The following BMP5 variants were observed in gnomAD, a reference collection of about 807,000 sequenced individuals.
BMP5 encodes bone morphogenetic protein 5.
Under a neutral mutation model 46.6 loss-of-function variants are expected in BMP5, and 23 were observed. The ratio of observed to expected loss-of-function variants is 0.49; its 90% CI spans 0.35 to 0.70. The LOEUF is 0.70. Ranked by LOEUF, BMP5 falls within the 30% of genes least tolerant of loss-of-function variation. BMP5 has a pLI of 0.00. For synonymous variants in BMP5, 204 were observed against 191.9 expected (o/e 1.06, Z -0.52); for missense variants, 545 against 565.6 (o/e 0.96, Z 0.37).
rs1774571848 is a variant in BMP5 at position 55,755,650 on chromosome 6, C to CTT, written c.1246_1247dup (p.Pro417SerfsTer9). The CTT allele has an allele frequency of 4.3e-6, 7 of 1,612,238 alleles. No individual in the cohort carries two copies. Among genetic ancestry groups the CTT allele is most frequent in the African/African-American group, 1.3e-5 (1 of 74,794 alleles). ...TTAATTTGGTTGGAGCACAACAAGGCTTTGGTACGTGGTCAGGAAACATCA... is the reference window on the plus strand; with the variant it reads ...TTAATTTGGTTGGAGCACAACAAGGCTTTTTGGTACGTGGTCAGGAAACATCA... On this transcript the variant is annotated frameshift_variant, in exon 7 of 7. Transcript: ENST00000370830. LOFTEE classifies it high-confidence loss of function.
chr6:55,770,004 C>T (rs912137859), intron 4 of BMP5, among the ~76,000 whole-genome samples: 1 of 151,802 alleles, frequency 6.6e-6, no homozygotes, highest in African/African-American at 2.4e-5. Flanking sequence ...TTGCAGAGCC[C>T]AGGAAGAGTA....
intron 3 of BMP5, among the ~76,000 whole-genome samples, chr6:55,792,416 C>G (rs1775593701): frequency 6.6e-6 from 1 of 152,034 alleles, no homozygotes; most frequent in African/African-American, 2.4e-5. Context: ...CGCCTGTAGT[C>G]CCGGCTACTC....
intron 2 of BMP5, among the ~76,000 whole-genome samples, chr6:55,812,355 C>T (rs1284073638): frequency 2.6e-5 from 4 of 152,062 alleles, no homozygotes; most frequent in Non-Finnish European, 5.9e-5. Context: ...CTATAAGTCT[C>T]ACTAAGATAA....
At chr6:55,850,542 T>C (rs1239304114) in intron 1 of BMP5, among the ~76,000 whole-genome samples, 1 of 152,144 alleles carries the variant, frequency 6.6e-6, no homozygotes, top group Non-Finnish European at 1.5e-5. Context: ...TATTACTTTA[T>C]CCCACAAAGT....
chr6:55,791,406 T>A, intron 3 of BMP5, among the ~76,000 whole-genome samples: 1 of 152,126 alleles, frequency 6.6e-6, no homozygotes, highest in East Asian at 1.9e-4. Flanking sequence ...ATTCTTCAAA[T>A]TAGACAATAT....
At chr6:55,832,224 T>G (rs1776682586) in intron 1 of BMP5, among the ~76,000 whole-genome samples, 1 of 152,176 alleles carries the variant, frequency 6.6e-6, no homozygotes, top group African/African-American at 2.4e-5. Context: ...GAACACTCAC[T>G]TCTCCCCAGT....
chr6:55,760,890 T>C (rs1774758593), intron 4 of BMP5, among the ~76,000 whole-genome samples: 1 of 144,336 alleles, frequency 6.9e-6, no homozygotes, highest in Non-Finnish European at 1.5e-5. Flanking sequence ...GTACTTAATA[T>C]ATTGAGAGAG....
intron 1 of BMP5, among the ~76,000 whole-genome samples, chr6:55,851,197 T>C (rs1777236695): frequency 6.6e-6 from 1 of 151,998 alleles, no homozygotes; most frequent in African/African-American, 2.4e-5. Flanking sequence ...TCATTTTTTT[T>C]CTCTTAATTT....
At chr6:55,851,131 GTTTTGCTT>G (rs1424018422) in intron 1 of BMP5, among the ~76,000 whole-genome samples, 7 of 103,110 alleles carry the variant, frequency 6.8e-5, no homozygotes, top group Non-Finnish European at 1.1e-4. Flanking sequence ...GTTTTGTTTT[GTTTTGCTT>G]TTTTTTTTTT....
At position 55,780,890 on chromosome 6, in the gene BMP5, A is replaced by G. The variant is rs1414973898; in HGVS notation, c.833-6647T>C. ...CCAGAATGCTGAAATGTTTTATTGCATGGAGGGCAGGACTGAGGTGATGGA... is the reference window on the plus strand; with the variant it reads ...CCAGAATGCTGAAATGTTTTATTGCGTGGAGGGCAGGACTGAGGTGATGGA... On this transcript the variant is annotated intron_variant, in intron 3 of 6. Transcript: ENST00000370830. 3.3e-5 allele frequency among the ~76,000 whole-genome samples: 5 copies of G among 152,154 alleles called. No individual in the cohort carries two copies. The South Asian group carries it at 6.2e-4, about 19-fold the overall frequency.
chr6:55,759,142 C>CAAAAAAAAAAAAAAAAAAAAAAAAAAAAA, intron 5 of BMP5, 27 bp from the exon 6 acceptor site: 1 of 119,566 alleles, frequency 8.4e-6, no homozygotes, highest in Non-Finnish European at 1.4e-5. Flanking sequence ...CACACACACA[C>CAAAAAAAAAAAAAAAAAAAAAAAAAAAAA]ACAAAAAAAA....
In BMP5 at chr6:55,755,599, A is replaced by T. The variant is rs1774569869; in HGVS notation, c.1299T>A (p.Asp433Glu). 6.2e-7 allele frequency: 1 copy of T among 1,612,206 alleles called. No homozygotes were observed. Among genetic ancestry groups the T allele is most frequent in the Admixed American group, 1.7e-5 (1 of 59,808 alleles). ...TTTTCAAAATGACATTGGAGCTGTC[A>T]TCAAAGTACAGAACAGAGATGGCAT... ...KLNAISVLYF[D>E]DSSNVILKKY... is the part of the protein sequence containing the mutation. The change falls in exon 7 of 7, where the codon GAT becomes GAA. Residue 433 changes from aspartate (D) to glutamate (E), a missense_variant. Asp to Glu is a conservative substitution (Grantham distance 45). Transcript: ENST00000370830.
intron 1 of BMP5, among the ~76,000 whole-genome samples, chr6:55,821,238 G>C (rs1343479924): frequency 6.6e-6 from 1 of 152,106 alleles, no homozygotes; most frequent in Non-Finnish European, 1.5e-5. Flanking sequence ...ACAATGCTTT[G>C]CCTTCATCCT....
At chr6:55,760,310 G>A in intron 5 of BMP5, 147 bp downstream of exon 5, 2 of 733,602 alleles carry the variant, frequency 2.7e-6, no homozygotes, top group Non-Finnish European at 4.6e-6. Flanking sequence ...ATTGAGAAAT[G>A]AAAATAAAGT....
intron 1 of BMP5, among the ~76,000 whole-genome samples, chr6:55,867,605 T>A (rs1777681165): frequency 6.6e-6 from 1 of 152,158 alleles, no homozygotes; most frequent in Non-Finnish European, 1.5e-5. Flanking sequence ...CACGGGCAAG[T>A]GACCTGCGCA....
chr6:55,831,010 C>T (rs1408668830), intron 1 of BMP5, among the ~76,000 whole-genome samples: 1 of 151,974 alleles, frequency 6.6e-6, no homozygotes, highest in Non-Finnish European at 1.5e-5. Flanking sequence ...TCTTCACTGG[C>T]AACACCAGGC....
intron 1 of BMP5, among the ~76,000 whole-genome samples, chr6:55,833,826 T>C (rs1776720174): frequency 6.6e-6 from 1 of 152,168 alleles, no homozygotes; most frequent in African/African-American, 2.4e-5. Flanking sequence ...AATCATGGAA[T>C]CCTAATGAAT....
At chr6:55,866,127 C>T (rs985758681) in intron 1 of BMP5, among the ~76,000 whole-genome samples, 2 of 152,126 alleles carry the variant, frequency 1.3e-5, no homozygotes, top group Non-Finnish European at 2.9e-5. Context: ...TTCTGAGTTG[C>T]ACCCTCTCTT....
chr6:55,790,329 T>A (rs1775547521), intron 3 of BMP5, among the ~76,000 whole-genome samples: 1 of 152,128 alleles, frequency 6.6e-6, no homozygotes, highest in Non-Finnish European at 1.5e-5. Context: ...TTTCAATACC[T>A]ACGACCTGCA....
Sources: gnomAD v4.1 joint callset for allele counts (sites outside exome capture counted in the v4.1 genomes callset) on GRCh38, gnomAD v4.1.1 for gene constraint, MANE v1.5 for transcripts, NCBI Gene and HGNC (gene_info 2026-07-23, HGNC 2026-07-21) for gene names.